The following SV2B variants were observed in gnomAD, a reference collection of about 807,000 sequenced individuals.
SV2B encodes synaptic vesicle glycoprotein 2B.
A neutral mutation model predicts 73.9 loss-of-function variants in SV2B; 41 were observed. That is an observed-to-expected ratio of 0.56 (90% CI 0.43 to 0.72). The LOEUF (loss-of-function observed/expected upper bound fraction) is 0.72. Among genes scored for constraint, SV2B ranks in the 30% least tolerant of loss-of-function variants. The pLI is 0.00. For synonymous variants in SV2B, 314 were observed against 314.2 expected, an observed-to-expected ratio of 1.00 and a Z score of 0.01; for missense variants, 764 against 857.8, an observed-to-expected ratio of 0.89 and a Z score of 1.37.
intron 1 of SV2B, among the ~76,000 whole-genome samples, chr15:91,187,873 G>A (rs145557323): frequency 2.2e-3 from 330 of 152,134 alleles, no homozygotes; most frequent in African/African-American, 7.6e-3. Context: ...AGAAAGAACT[G>A]AACCACATAA....
chr15:91,246,611 C>T (rs1286052109), intron 2 of SV2B, among the ~76,000 whole-genome samples: 1 of 152,214 alleles, frequency 6.6e-6, no homozygotes, highest in Non-Finnish European at 1.5e-5. Flanking sequence ...GTGCCTGTCA[C>T]TGCAGGCTCC....
rs959450849 is a variant in SV2B, at chr15:91,115,836, T to C, written c.-392+15473T>C. On this transcript the variant is annotated intron_variant, in intron 1 of 12. Transcript: ENST00000394232. This position sits in a 1 kb window ranked among gnomAD's most constrained non-coding sequence, Gnocchi z 4.3. ...CATTTATTTATTTATTCAGCAAATG[T>C]TTATTGACTTCTCATTGTGTTAGGC... Among the ~76,000 whole-genome samples, 4 of 152,200 alleles carry C rather than the reference T, an allele frequency of 2.6e-5. No homozygotes were observed. The highest frequency in any genetic ancestry group is 9.7e-5 in the African/African-American group (4 of 41,436).
rs1302799355 is a variant in SV2B at position 91,301,850 on chromosome 15, A to G, written c.*9298A>G. Among the ~76,000 whole-genome samples the G allele has an allele frequency of 6.6e-6, 1 of 152,210 alleles. No homozygotes were observed. The highest frequency in any genetic ancestry group is 1.5e-5 in the Non-Finnish European group (1 of 68,028). On this transcript the variant is annotated 3_prime_UTR_variant, in exon 13 of 13. Transcript: ENST00000394232. The surrounding 1 kb of genome is among the most constrained non-coding windows in gnomAD (Gnocchi z 4.3). ...TTCCTTGGAGTACACGTTGGCGCTC[A>G]AAAAGTTTTCAATTTGGGAGCATTT...
rs1408309102 is a variant in SV2B at position 91,115,021 on chromosome 15, A to G, written c.-392+14658A>G. Among the ~76,000 whole-genome samples the G allele has an allele frequency of 1.3e-5, 2 of 152,122 alleles. No individual in the cohort carries two copies. Among genetic ancestry groups the G allele is most frequent in the Non-Finnish European group, 2.9e-5 (2 of 68,024 alleles). On this transcript the variant is annotated intron_variant, in intron 1 of 12. Coordinates refer to ENST00000394232, the MANE Select transcript of SV2B (RefSeq NM_001323032.3). The surrounding 1 kb of genome is among the most constrained non-coding windows in gnomAD (Gnocchi z 4.3). The stretch of plus-strand genomic sequence containing the variant: ...CATGCCCATTCCTGAGGGCACCATC[A>G]CTATGACTCCCAAGATGGCAGGTAG...
chr15:91,148,783 G>T (rs1486970870), intron 1 of SV2B, among the ~76,000 whole-genome samples: 2 of 152,156 alleles, frequency 1.3e-5, no homozygotes, highest in African/African-American at 4.8e-5. Flanking sequence ...ACATCTGAAG[G>T]CAGAAGACTG....
At chr15:91,193,037 T>G (rs1280809504) in intron 1 of SV2B, among the ~76,000 whole-genome samples, 1 of 152,238 alleles carries the variant, frequency 6.6e-6, no homozygotes, top group East Asian at 1.9e-4. Context: ...TACTCATTTG[T>G]TTTCTGTCTG....
intron 1 of SV2B, among the ~76,000 whole-genome samples, chr15:91,160,667 A>G (rs2043682014): frequency 6.6e-6 from 1 of 152,210 alleles, no homozygotes; most frequent in South Asian, 2.1e-4. Flanking sequence ...TATGATGAAA[A>G]CAGACAAATA....
intron 6 of SV2B, among the ~76,000 whole-genome samples, chr15:91,266,334 C>T (rs1331045855): frequency 6.6e-6 from 1 of 152,222 alleles, no homozygotes; most frequent in Non-Finnish European, 1.5e-5. Context: ...TCTGCTGTCT[C>T]CTCATATCCT....
At position 91,194,008 on chromosome 15, in the gene SV2B, G is replaced by T. The variant is rs138457284; in HGVS notation, c.-391-31865G>T. 5.9e-3 allele frequency among the ~76,000 whole-genome samples: 883 copies of T among 150,906 alleles called. 13 individuals carry two copies. The highest frequency in any genetic ancestry group is 0.02 in the African/African-American group (830 of 40,652). On this transcript the variant is annotated intron_variant, in intron 1 of 12. Coordinates refer to ENST00000394232, the MANE Select transcript of SV2B (RefSeq NM_001323032.3). ...CAGGGTATAGAGGTTTTTTTTGTTT[G>T]TTTGTTTGTTTGTTTTTAATAGGAA... is the stretch of plus-strand genomic sequence containing the variant.
rs144931026 is a variant in SV2B at position 91,228,543 on chromosome 15, C to T, written c.451+1829C>T. Among the ~76,000 whole-genome samples, 418 of 152,262 alleles carry T rather than the reference C, an allele frequency of 2.7e-3. 4 individuals are homozygous for T. Among genetic ancestry groups the T allele is most frequent in the Non-Finnish European group, 2.8e-3 (189 of 68,022 alleles). On this transcript the variant is annotated intron_variant, in intron 2 of 12. Transcript: ENST00000394232. ...CCCTGTGAGTCCAAATTGGCAATGT[C>T]GGTAATGATTTCATGGCCTGCTGGT...
Position 91,295,328 on chromosome 15 carries a change from C to T in SV2B, c.*2776C>T, listed in dbSNP as rs1431726557. On this transcript the variant is annotated 3_prime_UTR_variant, in exon 13 of 13. Coordinates refer to ENST00000394232, the MANE Select transcript of SV2B (RefSeq NM_001323032.3). ...AGTTTGTAGTACATCATCCTGAGGT[C>T]ATGTAACAAGTAAACCCCAACCCAG... 4 of 152,120 alleles carry T rather than the reference C, an allele frequency of 2.6e-5. No individual in the cohort carries two copies. The highest frequency in any genetic ancestry group is 5.9e-5 in the Non-Finnish European group (4 of 68,038). 9.4% of individuals were successfully genotyped at this position (152,120 alleles called of 1,614,324 possible).
chr15:91,169,423 C>G (rs974314403), intron 1 of SV2B, among the ~76,000 whole-genome samples: 11 of 147,806 alleles, frequency 7.4e-5, no homozygotes, highest in African/African-American at 2.9e-4. Flanking sequence ...GACAGCCCCC[C>G]CATCCCCCAC....
At chr15:91,218,863 G>A (rs1027428507) in intron 1 of SV2B, among the ~76,000 whole-genome samples, 4 of 152,180 alleles carry the variant, frequency 2.6e-5, no homozygotes, top group Admixed American at 2.6e-4. Flanking sequence ...TGAGGATACT[G>A]GTATCTGGTA....
rs2049471125 is a variant in SV2B at position 91,302,437 on chromosome 15, G to C, written c.*9885G>C. 6.6e-6 allele frequency among the ~76,000 whole-genome samples: 1 copy of C among 152,082 alleles called. No individual in the cohort carries two copies. The highest frequency in any genetic ancestry group is 1.9e-4 in the East Asian group (1 of 5,184). ...GGTTGTCAGAGGGCTGAGGGTGGTG[G>C]CCTTTTGCTAACTGGTATGGAAGCA... On this transcript the variant is annotated 3_prime_UTR_variant, in exon 13 of 13. Transcript: ENST00000394232.
Position 91,253,318 on chromosome 15 carries a change from C to T in SV2B, c.784+798C>T, listed in dbSNP as rs545224105. ...GCAGTGGTTTAGAATCCTCAGACCC[C>T]GAGGGGGTAGCAGACAGCTGCCCCT... On this transcript the variant is annotated intron_variant, in intron 4 of 12. Transcript: ENST00000394232. This position sits in a 1 kb window ranked among gnomAD's most constrained non-coding sequence, Gnocchi z 5.0. 4.3e-4 allele frequency among the ~76,000 whole-genome samples: 66 copies of T among 152,284 alleles called. No individual in the cohort carries two copies. The highest frequency in any genetic ancestry group is 2.4e-3 in the Admixed American group (36 of 15,302).
chr15:91,117,337 A>G (rs1413290022), intron 1 of SV2B, among the ~76,000 whole-genome samples: 1 of 152,272 alleles, frequency 6.6e-6, no homozygotes. Flanking sequence ...ATTAAAGGAG[A>G]CAATACAGTG....
intron 2 of SV2B, among the ~76,000 whole-genome samples, chr15:91,243,960 C>A (rs2047124872): frequency 6.6e-6 from 1 of 152,146 alleles, no homozygotes; most frequent in South Asian, 2.1e-4. Flanking sequence ...AATGTTGCAT[C>A]CTCAGGCAGA....
intron 1 of SV2B, among the ~76,000 whole-genome samples, chr15:91,221,711 A>ACACC (rs1272770570): frequency 2.0e-5 from 3 of 151,438 alleles, no homozygotes; most frequent in Admixed American, 1.3e-4. Context: ...ACACACACAC[A>ACACC]CACACACACA....
At chr15:91,260,072 A>G (rs1265590675) in intron 5 of SV2B, among the ~76,000 whole-genome samples, 1 of 152,162 alleles carries the variant, frequency 6.6e-6, no homozygotes, top group African/African-American at 2.4e-5. Context: ...GTGTATAATG[A>G]TGATACTACC....
Sources: allele counts gnomAD v4.1 joint callset (sites outside exome capture counted in the v4.1 genomes callset), GRCh38; gene constraint gnomAD v4.1.1; non-coding constraint Gnocchi (gnomAD v3.1); transcripts MANE v1.5; gene names NCBI Gene and HGNC (gene_info 2026-07-23, HGNC 2026-07-21).